CD28: variants seen among roughly 807,000 people sequenced by gnomAD.
CD28 encodes the protein T-cell-specific surface glycoprotein CD28.
In CD28, 8 loss-of-function variants were observed where a neutral mutation model predicts 21.4. The ratio of observed to expected loss-of-function variants is 0.37; its 90% confidence interval spans 0.22 to 0.68. The LOEUF (loss-of-function observed/expected upper bound fraction) is 0.68, where lower values mean the gene tolerates loss of function less well. Among genes scored for constraint, CD28 ranks in the 30% least tolerant of loss-of-function variants. The pLI is 0.55. For missense variants in CD28, 239 were observed against 272.2 expected, an observed-to-expected ratio of 0.88 and a Z score of 0.86; for synonymous variants, 106 against 104.0, an observed-to-expected ratio of 1.02 and a Z score of -0.12.
Position 203,737,987 on chromosome 2 carries a change from T to C in CD28, c.*3075T>C, listed in dbSNP as rs1241453365. The stretch of plus-strand genomic sequence containing the variant: ...TAAATCCTTGTATAAATCTCCAGTT[T>C]AGCCTTTTTTGAAAAAGCTAGACTT... On this transcript the variant is annotated 3_prime_UTR_variant, in exon 4 of 4. Coordinates refer to ENST00000324106, the MANE Select transcript of CD28 (RefSeq NM_006139.4). 1.3e-5 allele frequency: 2 copies of C among 152,232 alleles called. No individual in the cohort carries two copies. Among genetic ancestry groups the C allele is most frequent in the East Asian group, 3.8e-4 (2 of 5,198 alleles). The allele number at this position is 152,232 out of a possible 1,614,324, so 9.4% of individuals were successfully genotyped here.
chr2:203,727,122 T>C, intron 2 of CD28, 133 bp downstream of exon 2: 1 of 639,092 alleles, frequency 1.6e-6, no homozygotes. Context: ...CAAATAATGT[T>C]TTCAGAAAAA....
intron 1 of CD28, among the ~76,000 whole-genome samples, chr2:203,719,147 A>G (rs779262464): frequency 9.9e-5 from 15 of 152,212 alleles, no homozygotes; most frequent in Non-Finnish European, 2.1e-4. Flanking sequence ...TCCATTTATG[A>G]TTTAAAACAT....
In CD28 at chr2:203,735,894, G is replaced by C; in HGVS notation, c.*982G>C. 1 of 152,298 alleles carries C rather than the reference G, an allele frequency of 6.6e-6. No individual in the cohort carries two copies. The allele number at this position is 152,298 out of a possible 1,614,324, so 9.4% of individuals were successfully genotyped here. On this transcript the variant is annotated 3_prime_UTR_variant, in exon 4 of 4. Coordinates refer to ENST00000324106, the MANE Select transcript of CD28 (RefSeq NM_006139.4). ...CTGGTGGCAGGCACCTGTAATCCCA[G>C]CTGCCCAAGAGGCTGAGGCATGAGA...
chr2:203,719,822 T>C (rs1341327753), intron 1 of CD28, among the ~76,000 whole-genome samples: 1 of 152,210 alleles, frequency 6.6e-6, no homozygotes, highest in Non-Finnish European at 1.5e-5. Flanking sequence ...TCATTTTCTT[T>C]GGAAATCTAA....
intron 1 of CD28, among the ~76,000 whole-genome samples, chr2:203,713,623 G>A (rs1693375602): frequency 6.6e-6 from 1 of 152,028 alleles, no homozygotes; most frequent in South Asian, 2.1e-4. Context: ...ACATGGAGAA[G>A]GAAGATAAGA....
Position 203,726,852 on chromosome 2 carries a change from G to T in CD28, c.272G>T (p.Gly91Val), listed in dbSNP as rs75899942. 2 of 1,613,928 alleles carry T rather than the reference G, an allele frequency of 1.2e-6. No homozygotes were observed. The highest frequency in any genetic ancestry group is 2.7e-5 in the African/African-American group (2 of 74,916). Reference protein sequence around the residue: ...KTGFNCDGKLGNESVTFYLQN... With the variant: ...KTGFNCDGKLVNESVTFYLQN... ...GGGTTCAACTGTGATGGGAAATTGGGCAATGAATCAGTGACATTCTACCTC... is the reference window on the plus strand; with the variant it reads ...GGGTTCAACTGTGATGGGAAATTGGTCAATGAATCAGTGACATTCTACCTC... Residue 91 changes from glycine to valine, a missense_variant, in exon 2 of 4, where the codon GGC becomes GTC. By Grantham distance (109) the Gly-to-Val change is moderately radical (BLOSUM62 -3). Transcript: ENST00000324106.
chr2:203,727,008 A>G lies in CD28; in HGVS notation c.409+19A>G. ...GTGAAAGGTAACATACAACTTTACC[A>G]GTGTACCACCCTAAAGTAATGGTTT... On this transcript the variant is annotated intron_variant, in intron 2 of 3. Coordinates refer to ENST00000324106, the MANE Select transcript of CD28 (RefSeq NM_006139.4). The G allele has an allele frequency of 7.0e-7, 1 of 1,423,998 alleles. No homozygotes were observed. The highest frequency in any genetic ancestry group is 9.9e-7 in the Non-Finnish European group (1 of 1,010,464). The allele number at this position is 1,423,998 out of a possible 1,614,324, so 88.2% of individuals were successfully genotyped here. A position where few individuals can be genotyped will look rare whatever the true frequency, so the allele number is the denominator to read the frequency against.
chr2:203,721,478 C>A (rs559669907), intron 1 of CD28, among the ~76,000 whole-genome samples: 2 of 152,190 alleles, frequency 1.3e-5, no homozygotes, highest in East Asian at 3.9e-4. Flanking sequence ...ATCTCCCTTG[C>A]CCAGACTACT....
At chr2:203,723,323 C>G (rs992082412) in intron 1 of CD28, among the ~76,000 whole-genome samples, 1 of 151,678 alleles carries the variant, frequency 6.6e-6, no homozygotes, top group African/African-American at 2.4e-5. Context: ...CCCATCTCTA[C>G]TAAAAATATA....
In CD28 at chr2:203,726,951, A is replaced by G; in HGVS notation, c.371A>G (p.Asp124Gly). The G allele has an allele frequency of 1.2e-6, 2 of 1,609,772 alleles. No homozygotes were observed. Among genetic ancestry groups the G allele is most frequent in the Non-Finnish European group, 1.7e-6 (2 of 1,176,044 alleles). Residue 124 changes from aspartate to glycine, a missense_variant, in exon 2 of 4, where the codon GAC (aspartate) becomes GGC (glycine). Asp to Gly is a moderately conservative substitution (Grantham distance 94, BLOSUM62 -1). This residue lies in a region of CD28 where 23 missense variants were observed against 50.9 expected (regional missense o/e 0.45). Transcript: ENST00000324106. ...GTTATGTATCCTCCTCCTTACCTAGACAATGAGAAGAGCAATGGAACCATT... is the reference window on the plus strand; with the variant it reads ...GTTATGTATCCTCCTCCTTACCTAGGCAATGAGAAGAGCAATGGAACCATT... Reference protein sequence around the residue: ...IEVMYPPPYLDNEKSNGTIIH... With the variant: ...IEVMYPPPYLGNEKSNGTIIH...
At chr2:203,724,550 T>C (rs1319790384) in intron 1 of CD28, among the ~76,000 whole-genome samples, 1 of 152,162 alleles carries the variant, frequency 6.6e-6, no homozygotes, top group Non-Finnish European at 1.5e-5. Flanking sequence ...GCAATGATTT[T>C]TTAAAAAGAA....
chr2:203,727,516 G>T (rs1693784282), intron 2 of CD28, among the ~76,000 whole-genome samples: 1 of 144,366 alleles, frequency 6.9e-6, no homozygotes, highest in African/African-American at 2.6e-5. Context: ...CTCTCGCTCT[G>T]TCGCCCAGGC....
At chr2:203,725,069 C>G (rs1693704760) in intron 1 of CD28, among the ~76,000 whole-genome samples, 1 of 151,998 alleles carries the variant, frequency 6.6e-6, no homozygotes, top group African/African-American at 2.4e-5. Flanking sequence ...GGCGGTGGAT[C>G]ACCTGAGGTT....
At chr2:203,722,335 C>CA (rs1455089025) in intron 1 of CD28, among the ~76,000 whole-genome samples, 1 of 152,028 alleles carries the variant, frequency 6.6e-6, no homozygotes, top group Non-Finnish European at 1.5e-5. Context: ...AAATCAAAAA[C>CA]AAAAAAACAA....
intron 1 of CD28, among the ~76,000 whole-genome samples, chr2:203,712,597 T>C (rs1437951424): frequency 6.6e-6 from 1 of 152,250 alleles, no homozygotes; most frequent in Non-Finnish European, 1.5e-5. Flanking sequence ...TCATGTCTTA[T>C]TCATCCTTCT....
At chr2:203,708,206 G>A (rs563443710) in intron 1 of CD28, among the ~76,000 whole-genome samples, 3 of 152,130 alleles carry the variant, frequency 2.0e-5, no homozygotes, top group East Asian at 3.9e-4. Flanking sequence ...ATATATACCC[G>A]TTTATTTTAT....
At position 203,729,754 on chromosome 2, in the gene CD28, G is replaced by A; in HGVS notation, c.516G>A (p.Val172=). Residue 172 remains valine (V), a synonymous_variant, in exon 3 of 4, where the codon GTG becomes GTA. Transcript: ENST00000324106. ...VLACYSLLVT[V]AFIIFWVRSK... is the part of the protein sequence containing the mutation. ...CTTGCTATAGCTTGCTAGTAACAGTGGCCTTTATTATTTTCTGGGTAAGAG... is the reference window on the plus strand; with the variant it reads ...CTTGCTATAGCTTGCTAGTAACAGTAGCCTTTATTATTTTCTGGGTAAGAG... 1 of 1,613,826 alleles carries A rather than the reference G, an allele frequency of 6.2e-7. No individual in the cohort carries two copies. Among genetic ancestry groups the A allele is most frequent in the Non-Finnish European group, 8.5e-7 (1 of 1,179,882 alleles).
intron 1 of CD28, among the ~76,000 whole-genome samples, chr2:203,724,289 T>G: frequency 6.6e-6 from 1 of 152,160 alleles, no homozygotes; most frequent in East Asian, 1.9e-4. Context: ...ATGAAAATGT[T>G]CTGGAATCAG....
At chr2:203,715,896 G>C (rs1693450068) in intron 1 of CD28, among the ~76,000 whole-genome samples, 1 of 152,078 alleles carries the variant, frequency 6.6e-6, no homozygotes, top group South Asian at 2.1e-4. Flanking sequence ...CACCTCCACA[G>C]CTCAGGCCTT....
Sources: allele counts gnomAD v4.1 joint callset (sites outside exome capture counted in the v4.1 genomes callset), GRCh38; gene constraint gnomAD v4.1.1; regional missense constraint gnomAD v4.1.1; transcripts MANE v1.5; gene names NCBI Gene and HGNC (gene_info 2026-07-23, HGNC 2026-07-21).